RAI14: variants seen among roughly 807,000 people sequenced by gnomAD.
RAI14 encodes retinoic acid induced 14.
A neutral mutation model predicts 115.4 loss-of-function variants in RAI14; 45 were observed. That is an observed-to-expected ratio of 0.39 (90% CI 0.31 to 0.50). The LOEUF is 0.50. Among genes scored for constraint, RAI14 ranks in the 20% least tolerant of loss-of-function variants. The pLI is 0.85. For missense variants in RAI14, 939 were observed against 1,131.2 expected, an observed-to-expected ratio of 0.83 and a Z score of 2.44; for synonymous variants, 371 against 415.4, an observed-to-expected ratio of 0.89 and a Z score of 1.30.
chr5:34,707,381 C>G (rs1424169802), intron 2 of RAI14, among the ~76,000 whole-genome samples: 5 of 152,188 alleles, frequency 3.3e-5, no homozygotes, highest in African/African-American at 7.2e-5. Context: ...GCAGGAGAAT[C>G]TCTTGAACCT....
At chr5:34,755,289 A>G (rs1747740456) in intron 2 of RAI14, among the ~76,000 whole-genome samples, 1 of 152,164 alleles carries the variant, frequency 6.6e-6, no homozygotes, top group Admixed American at 6.5e-5. Flanking sequence ...AAAGACAAAA[A>G]TCTCATTTCT....
At chr5:34,758,210 T>G (rs1748150840) in intron 3 of RAI14, among the ~76,000 whole-genome samples, 1 of 152,206 alleles carries the variant, frequency 6.6e-6, no homozygotes, top group African/African-American at 2.4e-5. Context: ...TTGTGTAATC[T>G]CTGAACCTCA....
intron 1 of RAI14, among the ~76,000 whole-genome samples, chr5:34,665,212 T>A (rs2149845928): frequency 8.4e-6 from 1 of 118,572 alleles, no homozygotes. Context: ...CACACCACAG[T>A]TTCTTTATCC....
intron 5 of RAI14, among the ~76,000 whole-genome samples, chr5:34,806,855 A>G (rs1754964500): frequency 6.6e-6 from 1 of 152,182 alleles, no homozygotes; most frequent in South Asian, 2.1e-4. Context: ...ACTTTTGTGT[A>G]TGAGTAAGAA....
chr5:34,767,799 A>G (rs1411878061), intron 3 of RAI14, among the ~76,000 whole-genome samples: 1 of 151,912 alleles, frequency 6.6e-6, no homozygotes, highest in Non-Finnish European at 1.5e-5. Context: ...TTATCAAATT[A>G]TCAAGGCGAG....
chr5:34,792,064 A>T (rs190125020), intron 3 of RAI14, among the ~76,000 whole-genome samples: 4 of 152,218 alleles, frequency 2.6e-5, no homozygotes, highest in Admixed American at 2.0e-4. Flanking sequence ...TCAAGAGCAG[A>T]CTCACAGACT....
chr5:34,780,565 C>T (rs1164616669), intron 3 of RAI14, among the ~76,000 whole-genome samples: 1 of 152,134 alleles, frequency 6.6e-6, no homozygotes, highest in East Asian at 1.9e-4. Context: ...GGGCAAAGGA[C>T]ATGAACAGAC....
chr5:34,824,745 A>C (rs995710240), intron 15 of RAI14, among the ~76,000 whole-genome samples: 3 of 151,950 alleles, frequency 2.0e-5, no homozygotes, highest in African/African-American at 7.3e-5. Context: ...GGAGTTCAAG[A>C]CCAGCCTGGC....
intron 12 of RAI14, among the ~76,000 whole-genome samples, chr5:34,815,036 C>T (rs1273304370): frequency 6.6e-6 from 1 of 151,886 alleles, no homozygotes; most frequent in Non-Finnish European, 1.5e-5. Context: ...CACCTGAGGT[C>T]AGGAGTTCAA....
chr5:34,775,312 G>A (rs1172825753), intron 3 of RAI14, among the ~76,000 whole-genome samples: 3 of 152,126 alleles, frequency 2.0e-5, no homozygotes, highest in Non-Finnish European at 4.4e-5. Context: ...GAAATGATCA[G>A]CAAAGAGATA....
rs1425645229 is a variant in RAI14, at chr5:34,791,895, G to C, written c.168-4044G>C. On this transcript the variant is annotated intron_variant, in intron 3 of 17. Transcript: ENST00000265109. The surrounding 1 kb of genome is among the most constrained non-coding windows in gnomAD (Gnocchi z 5.4). ...GTATGGCTAGGGAAGGAGGGGAGGA[G>C]ATGATGCCCTGAACCCCATCGTCAT... 6.6e-6 allele frequency among the ~76,000 whole-genome samples: 1 copy of C among 152,204 alleles called. No individual in the cohort carries two copies. The highest frequency in any genetic ancestry group is 1.5e-5 in the Non-Finnish European group (1 of 68,040).
At chr5:34,799,967 G>A (rs1013135263) in intron 4 of RAI14, among the ~76,000 whole-genome samples, 82 of 152,266 alleles carry the variant, frequency 5.4e-4, no homozygotes, top group African/African-American at 1.8e-3. Context: ...GATTACAGGC[G>A]TGAGCCACCA....
At chr5:34,668,715 G>C (rs991731536) in intron 1 of RAI14, among the ~76,000 whole-genome samples, 9 of 151,534 alleles carry the variant, frequency 5.9e-5, no homozygotes, top group African/African-American at 2.2e-4. Context: ...TTAAAATATC[G>C]GCATGGAAAC....
At chr5:34,683,358 GGGAACTTTT>G (rs1429844543) in intron 1 of RAI14, among the ~76,000 whole-genome samples, 7 of 151,658 alleles carry the variant, frequency 4.6e-5, no homozygotes, top group African/African-American at 1.7e-4. Context: ...CCCTTCCCTT[GGGAACTTTT>G]GGAATTATCA....
intron 2 of RAI14, among the ~76,000 whole-genome samples, chr5:34,719,190 A>G (rs75746767): frequency 0.033 from 5,067 of 152,232 alleles, 279 homozygotes; most frequent in African/African-American, 0.12. Flanking sequence ...TCAGCATCTG[A>G]CGGATAATGC....
intron 2 of RAI14, among the ~76,000 whole-genome samples, chr5:34,699,139 G>C (rs1408268064): frequency 6.6e-6 from 1 of 152,138 alleles, no homozygotes; most frequent in Non-Finnish European, 1.5e-5. Context: ...AAGAATGTTT[G>C]GGTACAACTA....
intron 2 of RAI14, among the ~76,000 whole-genome samples, chr5:34,705,808 C>T (rs572476146): frequency 4.2e-4 from 64 of 152,216 alleles, no homozygotes; most frequent in African/African-American, 1.2e-3. Context: ...CCACCACATC[C>T]GACTAATTTT....
chr5:34,682,208 G>C (rs2149874223), intron 1 of RAI14, among the ~76,000 whole-genome samples: 1 of 151,468 alleles, frequency 6.6e-6, no homozygotes, highest in African/African-American at 2.4e-5. Flanking sequence ...AGATTATTAA[G>C]CTTTTAAAAA....
intron 3 of RAI14, among the ~76,000 whole-genome samples, chr5:34,784,968 T>C (rs1478641053): frequency 6.6e-6 from 1 of 152,212 alleles, no homozygotes; most frequent in Non-Finnish European, 1.5e-5. Context: ...TGTGGCACAA[T>C]TGTAGTGTCA....
Sources: allele counts gnomAD v4.1 joint callset (sites outside exome capture counted in the v4.1 genomes callset), GRCh38; gene constraint gnomAD v4.1.1; non-coding constraint Gnocchi (gnomAD v3.1); transcripts MANE v1.5; gene names NCBI Gene and HGNC (gene_info 2026-07-23, HGNC 2026-07-21).